Variants in CLYBL observed in about 807,000 individuals in gnomAD.
CLYBL encodes the protein citramalyl-CoA lyase.
CLYBL carries 31 observed loss-of-function variants against 38.9 expected under a neutral mutation model. The ratio of observed to expected loss-of-function variants is 0.80; its 90% CI spans 0.60 to 1.08. The LOEUF (loss-of-function observed/expected upper bound fraction) is 1.08. CLYBL is among the 50% of genes least tolerant of loss of function. The probability of loss-of-function intolerance (pLI) is 0.00; values close to 1 mark genes in which losing one functional copy is unlikely to be tolerated. For missense variants in CLYBL, 434 were observed against 411.6 expected (o/e 1.05, Z -0.47); for synonymous variants, 171 against 158.6 (o/e 1.08, Z -0.59).
chr13:99,650,204 A>G (rs1467608148), intron 1 of CLYBL, among the ~76,000 whole-genome samples: 2 of 150,996 alleles, frequency 1.3e-5, no homozygotes, highest in Non-Finnish European at 3.0e-5. Context: ...TGGAGCTTGC[A>G]GTGAGCAGAG....
intron 2 of CLYBL, among the ~76,000 whole-genome samples, chr13:99,821,818 A>T (rs188870185): frequency 6.6e-6 from 1 of 152,320 alleles, no homozygotes; most frequent in East Asian, 1.9e-4. Context: ...TGCTAGCCAC[A>T]TGTCAAGCAG....
intron 4 of CLYBL, among the ~76,000 whole-genome samples, chr13:99,864,001 T>A (rs1380643142): frequency 6.6e-6 from 1 of 152,220 alleles, no homozygotes; most frequent in Non-Finnish European, 1.5e-5. Context: ...GTGAGCAGCT[T>A]GTTTACACAA....
intron 1 of CLYBL, among the ~76,000 whole-genome samples, chr13:99,620,079 A>G (rs1308871579): frequency 6.6e-6 from 1 of 152,170 alleles, no homozygotes; most frequent in Non-Finnish European, 1.5e-5. Context: ...TGCAGCAGGG[A>G]GTGCTACCAG....
At chr13:99,790,329 C>T (rs2049889713) in intron 2 of CLYBL, among the ~76,000 whole-genome samples, 1 of 152,180 alleles carries the variant, frequency 6.6e-6, no homozygotes, top group African/African-American at 2.4e-5. Context: ...TTTGCAGTGG[C>T]TGGTACCGGT....
At chr13:99,882,998 C>T (rs747473905) in intron 7 of CLYBL, among the ~76,000 whole-genome samples, 5 of 152,044 alleles carry the variant, frequency 3.3e-5, no homozygotes, top group Non-Finnish European at 7.4e-5. Context: ...CAGCTCTTAG[C>T]TTCCCCATCG....
chr13:99,829,092 A>G (rs2761172), intron 2 of CLYBL, among the ~76,000 whole-genome samples: 82,059 of 152,094 alleles, frequency 0.54, 22,334 homozygotes, highest in Middle Eastern at 0.59. Flanking sequence ...CCACCCAGGT[A>G]ACGCCCTCCA....
intron 6 of CLYBL, among the ~76,000 whole-genome samples, chr13:99,868,648 C>T (rs956874907): frequency 3.9e-5 from 6 of 152,096 alleles, no homozygotes; most frequent in South Asian, 2.1e-4. Context: ...TTTCTGCGGT[C>T]GTTTCCCAGA....
intron 8 of CLYBL, among the ~76,000 whole-genome samples, chr13:99,903,405 C>T (rs2052662629): frequency 6.6e-6 from 1 of 150,852 alleles, no homozygotes; most frequent in South Asian, 2.1e-4. Context: ...CACACACATA[C>T]ACTCACACAC....
intron 1 of CLYBL, among the ~76,000 whole-genome samples, chr13:99,754,748 C>CTTTTTTTTTTT (rs35982336): frequency 1.6e-5 from 2 of 124,454 alleles, no homozygotes; most frequent in African/African-American, 3.0e-5. Flanking sequence ...CCATGCCCAG[C>CTTTTTTTTTTT]TTTTTTTTTT....
chr13:99,692,708 A>G (rs1006365425), intron 1 of CLYBL, among the ~76,000 whole-genome samples: 1 of 152,152 alleles, frequency 6.6e-6, no homozygotes, highest in African/African-American at 2.4e-5. Context: ...AAGAAACCCC[A>G]TACCCATTGG....
At chr13:99,681,387 A>G (rs1413428605) in intron 1 of CLYBL, among the ~76,000 whole-genome samples, 1 of 152,206 alleles carries the variant, frequency 6.6e-6, no homozygotes, top group African/African-American at 2.4e-5. Context: ...ATACAGGTGC[A>G]TACTATATAA....
intron 1 of CLYBL, among the ~76,000 whole-genome samples, chr13:99,721,741 G>T (rs992204394): frequency 6.6e-6 from 1 of 151,206 alleles, no homozygotes; most frequent in Non-Finnish European, 1.5e-5. Context: ...GTTGTCACTT[G>T]TTTCCAGTTC....
intron 2 of CLYBL, among the ~76,000 whole-genome samples, chr13:99,832,635 T>A (rs1317449409): frequency 6.6e-6 from 1 of 152,120 alleles, no homozygotes; most frequent in Non-Finnish European, 1.5e-5. Context: ...CCTGAAGTTA[T>A]CATTCAAGGG....
At chr13:99,845,238 T>C (rs2051172956) in intron 2 of CLYBL, among the ~76,000 whole-genome samples, 1 of 152,234 alleles carries the variant, frequency 6.6e-6, no homozygotes, top group African/African-American at 2.4e-5. Context: ...CAATCTGTTA[T>C]GCTAAATCAC....
chr13:99,626,528 T>C (rs1421712150), intron 1 of CLYBL, among the ~76,000 whole-genome samples: 1 of 152,252 alleles, frequency 6.6e-6, no homozygotes, highest in African/African-American at 2.4e-5. Flanking sequence ...CTTTCTCTTT[T>C]ACTTAAATTA....
intron 1 of CLYBL, among the ~76,000 whole-genome samples, chr13:99,694,599 G>A (rs191222029): frequency 9.9e-5 from 15 of 152,132 alleles, no homozygotes; most frequent in African/African-American, 3.1e-4. Context: ...TGTATCATGT[G>A]GGGTGCTCCT....
At chr13:99,748,447 T>TTTTG (rs2048894907) in intron 1 of CLYBL, among the ~76,000 whole-genome samples, 1 of 136,512 alleles carries the variant, frequency 7.3e-6, no homozygotes, top group African/African-American at 2.8e-5. Context: ...TTTTTTTTTT[T>TTTTG]TTTTTTTTTT....
At chr13:99,784,449 C>CTCTTGTTTT (rs71121010) in intron 2 of CLYBL, among the ~76,000 whole-genome samples, 9 of 52,094 alleles carry the variant, frequency 1.7e-4, no homozygotes, top group Non-Finnish European at 2.7e-4. Context: ...AAAATTCTCT[C>CTCTTGTTTT]TTTTTTTTTT....
chr13:99,846,316 G>T, intron 2 of CLYBL, among the ~76,000 whole-genome samples: 1 of 142,362 alleles, frequency 7.0e-6, no homozygotes. Flanking sequence ...TTTTGAGACG[G>T]GGTCTTACTC....
Sources: gnomAD v4.1 joint callset for allele counts (sites outside exome capture counted in the v4.1 genomes callset) on GRCh38, gnomAD v4.1.1 for gene constraint, MANE v1.5 for transcripts, NCBI Gene and HGNC (gene_info 2026-07-23, HGNC 2026-07-21) for gene names.